The following SCLT1 variants were observed in gnomAD, a reference collection of about 807,000 sequenced individuals.
SCLT1 encodes the protein sodium channel-associated protein 1.
Under a neutral mutation model 112.8 loss-of-function variants are expected in SCLT1, and 78 were observed. The ratio of observed to expected loss-of-function variants is 0.69; its 90% confidence interval spans 0.58 to 0.83. The LOEUF is 0.83. Among genes scored for constraint, SCLT1 ranks in the 40% least tolerant of loss-of-function variants. The pLI is 0.00. For missense variants in SCLT1, 747 were observed against 770.4 expected, an observed-to-expected ratio of 0.97 and a Z score of 0.36; for synonymous variants, 257 against 254.7, an observed-to-expected ratio of 1.01 and a Z score of -0.09.
chr4:129,006,528 ACT>A (rs1331232504), intron 5 of SCLT1, among the ~76,000 whole-genome samples: 1 of 94,104 alleles, frequency 1.1e-5, no homozygotes, highest in Non-Finnish European at 2.2e-5. Flanking sequence ...ACAGAGCAAG[ACT>A]CTGTCTCAAA....
chr4:128,930,852 G>A (rs1736700293), intron 18 of SCLT1, among the ~76,000 whole-genome samples: 1 of 152,144 alleles, frequency 6.6e-6, no homozygotes, highest in Admixed American at 6.6e-5. Context: ...AGCTGCAGGA[G>A]GGTGCAGTGA....
chr4:129,006,165 A>T, intron 5 of SCLT1, among the ~76,000 whole-genome samples: 1 of 152,014 alleles, frequency 6.6e-6, no homozygotes. Flanking sequence ...TTAAAGTATA[A>T]TAAAAAAAAT....
chr4:129,082,279 C>T, intron 2 of SCLT1, 27 bp downstream of exon 2: 1 of 1,160,708 alleles, frequency 8.6e-7, no homozygotes, highest in Non-Finnish European at 1.2e-6. Context: ...TGAGAATATT[C>T]CCAAGTAGAA....
chr4:129,009,998 ATCT>A (rs1744377848), intron 5 of SCLT1, among the ~76,000 whole-genome samples: 1 of 152,134 alleles, frequency 6.6e-6, no homozygotes, highest in African/African-American at 2.4e-5. Flanking sequence ...TGCTTTTGGT[ATCT>A]TCTTAATAAA....
intron 15 of SCLT1, among the ~76,000 whole-genome samples, chr4:128,946,716 C>G (rs1738199311): frequency 6.6e-6 from 1 of 152,166 alleles, no homozygotes; most frequent in Admixed American, 6.5e-5. Flanking sequence ...CCGTTCAATA[C>G]AATCCTCTTT....
chr4:128,885,410 C>A (rs563761081), intron 20 of SCLT1, among the ~76,000 whole-genome samples: 55 of 152,228 alleles, frequency 3.6e-4, no homozygotes, highest in Admixed American at 1.0e-3. Flanking sequence ...TTTCTTCATT[C>A]CTTTAATTTA....
At chr4:128,990,520 T>C (rs1164739374) in intron 9 of SCLT1, among the ~76,000 whole-genome samples, 1 of 151,888 alleles carries the variant, frequency 6.6e-6, no homozygotes, top group Non-Finnish European at 1.5e-5. Flanking sequence ...GCCTTTCTGC[T>C]AATATCTGGA....
chr4:128,940,170 T>TA (rs1560866829), intron 17 of SCLT1, among the ~76,000 whole-genome samples: 3 of 151,262 alleles, frequency 2.0e-5, no homozygotes, highest in East Asian at 1.9e-4. Context: ...CCACTCATTA[T>TA]AAAAAAAAGA....
chr4:129,005,476 A>G (rs1233845582), intron 5 of SCLT1, among the ~76,000 whole-genome samples: 1 of 152,206 alleles, frequency 6.6e-6, no homozygotes, highest in Non-Finnish European at 1.5e-5. Context: ...ATATCATCTC[A>G]CACCAGTTAG....
chr4:129,005,535 T>C (rs1048430579), intron 5 of SCLT1, among the ~76,000 whole-genome samples: 1 of 152,118 alleles, frequency 6.6e-6, no homozygotes, highest in Non-Finnish European at 1.5e-5. Context: ...GGAGAGGATG[T>C]GGAGAAATAG....
chr4:129,013,727 A>G (rs1267638679), intron 5 of SCLT1, among the ~76,000 whole-genome samples: 1 of 150,604 alleles, frequency 6.6e-6, no homozygotes, highest in East Asian at 1.9e-4. Context: ...TCTCTCTAAG[A>G]TGTCTTTAAA....
At chr4:129,082,407 T>A (rs1302877587) in intron 1 of SCLT1, 34 bp from the exon 2 acceptor site, 1 of 1,318,704 alleles carries the variant, frequency 7.6e-7, no homozygotes, top group Admixed American at 1.9e-5. Context: ...TTCAGTTCAT[T>A]GAGTAATGGT....
At chr4:128,963,186 G>A (rs2126020109) in intron 11 of SCLT1, among the ~76,000 whole-genome samples, 1 of 152,280 alleles carries the variant, frequency 6.6e-6, no homozygotes, top group Middle Eastern at 3.4e-3. Context: ...TCAGAAGGTA[G>A]TGGGGGTGAT....
chr4:128,909,200 T>C (rs1416135230), intron 18 of SCLT1, among the ~76,000 whole-genome samples: 2 of 152,216 alleles, frequency 1.3e-5, no homozygotes, highest in African/African-American at 4.8e-5. Context: ...ATCTACCTGG[T>C]CTACCACCCT....
At chr4:128,936,340 G>T (rs867380582) in intron 18 of SCLT1, among the ~76,000 whole-genome samples, 9 of 152,006 alleles carry the variant, frequency 5.9e-5, no homozygotes, top group South Asian at 2.1e-4. Flanking sequence ...AAGGGTCAGA[G>T]AATTTTTTTT....
chr4:128,964,954 A>G (rs1356086205), intron 11 of SCLT1, among the ~76,000 whole-genome samples: 1 of 152,196 alleles, frequency 6.6e-6, no homozygotes, highest in Non-Finnish European at 1.5e-5. Context: ...AATTTGGTAC[A>G]ATTATTCTCA....
chr4:129,044,799 T>A (rs1579825911), intron 2 of SCLT1, among the ~76,000 whole-genome samples: 1 of 92,072 alleles, frequency 1.1e-5, no homozygotes, highest in Non-Finnish European at 2.3e-5. Flanking sequence ...CATGAATAAG[T>A]ATGAAAAATT....
intron 4 of SCLT1, among the ~76,000 whole-genome samples, chr4:129,040,528 C>T (rs1266881352): frequency 6.6e-6 from 1 of 152,128 alleles, no homozygotes; most frequent in Non-Finnish European, 1.5e-5. Context: ...ATTTATTACT[C>T]TTAAATAATT....
intron 2 of SCLT1, among the ~76,000 whole-genome samples, chr4:129,066,713 T>TA (rs1750520057): frequency 1.3e-5 from 2 of 152,092 alleles, no homozygotes; most frequent in African/African-American, 2.4e-5. Flanking sequence ...CATAAACTGG[T>TA]AAAATATATT....
Sources: gnomAD v4.1 joint callset for allele counts (sites outside exome capture counted in the v4.1 genomes callset) on GRCh38, gnomAD v4.1.1 for gene constraint, MANE v1.5 for transcripts, NCBI Gene and HGNC (gene_info 2026-07-23, HGNC 2026-07-21) for gene names.